CREB5: variants seen among roughly 807,000 people sequenced by gnomAD.
CREB5 encodes cAMP responsive element binding protein 5.
CREB5 carries 19 observed loss-of-function variants against 57.1 expected under a neutral mutation model. The ratio of observed to expected loss-of-function variants is 0.33; its 90% CI spans 0.23 to 0.49. CREB5 has a LOEUF of 0.49. Ranked by LOEUF, CREB5 falls within the 20% of genes least tolerant of loss-of-function variation. The pLI is 0.99. For synonymous variants in CREB5, 238 were observed against 238.3 expected, an observed-to-expected ratio of 1.00 and a Z score of 0.01; for missense variants, 579 against 671.6, an observed-to-expected ratio of 0.86 and a Z score of 1.52.
At chr7:28,353,785 G>A (rs919041931) in intron 1 of CREB5, among the ~76,000 whole-genome samples, 8 of 150,314 alleles carry the variant, frequency 5.3e-5, no homozygotes, top group Non-Finnish European at 1.2e-4. Context: ...GGAGCTTGCA[G>A]TGAGCAGAGA....
chr7:28,450,669 G>A (rs1186121681), intron 1 of CREB5, among the ~76,000 whole-genome samples: 1 of 152,218 alleles, frequency 6.6e-6, no homozygotes. Context: ...CTGTCTGTTT[G>A]TGGGTTCTAG....
intron 7 of CREB5, among the ~76,000 whole-genome samples, chr7:28,777,143 C>G (rs1321231297): frequency 1.3e-5 from 2 of 152,134 alleles, no homozygotes; most frequent in Non-Finnish European, 2.9e-5. Context: ...AGCGACTGAA[C>G]CATTTTACAC....
intron 5 of CREB5, among the ~76,000 whole-genome samples, chr7:28,638,725 A>G (rs1798527181): frequency 6.6e-6 from 1 of 152,228 alleles, no homozygotes; most frequent in Admixed American, 6.5e-5. Context: ...AGTTAATAAT[A>G]ATACACTCCA....
chr7:28,656,728 C>T (rs1010908248), intron 5 of CREB5, among the ~76,000 whole-genome samples: 1 of 152,188 alleles, frequency 6.6e-6, no homozygotes, highest in Non-Finnish European at 1.5e-5. Flanking sequence ...TCTGCTCAGT[C>T]AGCACTTTCA....
chr7:28,333,530 C>A (rs1462053340), intron 1 of CREB5, among the ~76,000 whole-genome samples: 2 of 152,152 alleles, frequency 1.3e-5, no homozygotes, highest in African/African-American at 4.8e-5. Context: ...ATTAACCGTT[C>A]TCACTCCATC....
chr7:28,460,517 T>C (rs530905214), intron 1 of CREB5, among the ~76,000 whole-genome samples: 2 of 152,326 alleles, frequency 1.3e-5, no homozygotes, highest in East Asian at 3.9e-4. Context: ...CCTGAAGTTT[T>C]AACTCCGGTG....
intron 3 of CREB5, among the ~76,000 whole-genome samples, chr7:28,498,379 A>C (rs1364283283): frequency 6.6e-6 from 1 of 152,244 alleles, no homozygotes; most frequent in Non-Finnish European, 1.5e-5. Flanking sequence ...TATTTGTATG[A>C]CAAACTTCAG....
chr7:28,819,190 A>C lies in CREB5; in HGVS notation c.1438A>C (p.Thr480Pro). 6.2e-7 allele frequency: 1 copy of C among 1,613,772 alleles called. No homozygotes were observed. Among genetic ancestry groups the C allele is most frequent in the Non-Finnish European group, 8.5e-7 (1 of 1,179,870 alleles). The change falls in exon 11 of 11, where the codon ACT (threonine) becomes CCT (proline). Residue 480 changes from threonine (T) to proline (P), a missense_variant. Thr to Pro is a conservative substitution (Grantham distance 38, BLOSUM62 -1). Coordinates refer to ENST00000357727, the MANE Select transcript of CREB5 (RefSeq NM_182898.4). ...ACAAGTCATCCAGCATAATACCATC[A>C]CTACTTCCTCATCGGTCAGCGAGGT... ...QQQVIQHNTI[T>P]TSSSVSEVVG...
intron 1 of CREB5, among the ~76,000 whole-genome samples, chr7:28,415,034 A>T (rs1022357681): frequency 6.6e-6 from 1 of 152,178 alleles, no homozygotes; most frequent in Admixed American, 6.5e-5. Context: ...GAATCAGTTT[A>T]TCACTTTAAA....
intron 1 of CREB5, among the ~76,000 whole-genome samples, chr7:28,372,180 T>C (rs1786721049): frequency 6.6e-6 from 1 of 152,158 alleles, no homozygotes; most frequent in Admixed American, 6.5e-5. Flanking sequence ...GGCAGATTGA[T>C]TGATGATTTA....
intron 5 of CREB5, among the ~76,000 whole-genome samples, chr7:28,614,599 T>C (rs1797526447): frequency 1.3e-5 from 2 of 152,198 alleles, no homozygotes; most frequent in Admixed American, 1.3e-4. Flanking sequence ...CAAAAACCTC[T>C]TACTTTCGTG....
At chr7:28,715,471 G>A (rs2128744996) in intron 5 of CREB5, among the ~76,000 whole-genome samples, 1 of 152,296 alleles carries the variant, frequency 6.6e-6, no homozygotes, top group South Asian at 2.1e-4. Flanking sequence ...TTTTATGCAA[G>A]TATAATGTAT....
At chr7:28,404,901 A>G (rs539074020) in intron 1 of CREB5, among the ~76,000 whole-genome samples, 2 of 152,316 alleles carry the variant, frequency 1.3e-5, no homozygotes, top group South Asian at 4.1e-4. Context: ...GGCAACAGCA[A>G]TGTGGGTTCT....
chr7:28,592,642 T>C (rs1235812280), intron 5 of CREB5, among the ~76,000 whole-genome samples: 1 of 152,144 alleles, frequency 6.6e-6, no homozygotes, highest in African/African-American at 2.4e-5. Flanking sequence ...CAAACATGCA[T>C]GGATCAGTTA....
chr7:28,377,022 G>C (rs1786844945), intron 1 of CREB5, among the ~76,000 whole-genome samples: 1 of 152,198 alleles, frequency 6.6e-6, no homozygotes, highest in Non-Finnish European at 1.5e-5. Flanking sequence ...CATGCCCTCT[G>C]TGGCAATGCC....
chr7:28,662,078 A>C (rs1191935186), intron 5 of CREB5, among the ~76,000 whole-genome samples: 1 of 152,184 alleles, frequency 6.6e-6, no homozygotes, highest in Non-Finnish European at 1.5e-5. Flanking sequence ...CAGCAGAAAA[A>C]AGGGCTGCTC....
chr7:28,446,031 T>G (rs1329145367), intron 1 of CREB5, among the ~76,000 whole-genome samples: 1 of 152,236 alleles, frequency 6.6e-6, no homozygotes, highest in Non-Finnish European at 1.5e-5. Context: ...AAGGAAGCCC[T>G]TGGACCAGCT....
At chr7:28,717,105 T>TTTTTA (rs1802734929) in intron 5 of CREB5, among the ~76,000 whole-genome samples, 1 of 147,016 alleles carries the variant, frequency 6.8e-6, no homozygotes, top group South Asian at 2.2e-4. Flanking sequence ...TTTTTTTTTT[T>TTTTTA]GAGATGGAAT....
chr7:28,469,666 A>G (rs1389918733), intron 1 of CREB5, among the ~76,000 whole-genome samples: 2 of 152,224 alleles, frequency 1.3e-5, no homozygotes, highest in African/African-American at 4.8e-5. Flanking sequence ...AGATTTCATA[A>G]TGTAATAAGA....
Sources: gnomAD v4.1 joint callset for allele counts (sites outside exome capture counted in the v4.1 genomes callset) on GRCh38, gnomAD v4.1.1 for gene constraint, MANE v1.5 for transcripts, NCBI Gene and HGNC (gene_info 2026-07-23, HGNC 2026-07-21) for gene names.